Variants in EXOC6B observed in about 807,000 individuals in gnomAD.
EXOC6B encodes the protein exocyst complex component 6B.
Under a neutral mutation model 113.5 loss-of-function variants are expected in EXOC6B, and 54 were observed. The observed-to-expected ratio is 0.48, with a 90% CI of 0.38 to 0.60. The LOEUF (loss-of-function observed/expected upper bound fraction) is 0.60. Among genes scored for constraint, EXOC6B ranks in the 20% least tolerant of loss-of-function variants. The probability of loss-of-function intolerance (pLI) is 0.00; values close to 1 mark genes in which losing one functional copy is unlikely to be tolerated. For synonymous variants in EXOC6B, 357 were observed against 339.0 expected (o/e 1.05, Z -0.58); for missense variants, 797 against 977.5 (o/e 0.82, Z 2.46).
At chr2:72,287,100 G>C (rs1317482333) in intron 20 of EXOC6B, among the ~76,000 whole-genome samples, 1 of 152,016 alleles carries the variant, frequency 6.6e-6, no homozygotes, top group Non-Finnish European at 1.5e-5. Flanking sequence ...TATTGCTGCT[G>C]CTGTTACTGC....
intron 6 of EXOC6B, among the ~76,000 whole-genome samples, chr2:72,618,798 T>C (rs538111659): frequency 6.6e-6 from 1 of 152,336 alleles, no homozygotes; most frequent in East Asian, 1.9e-4. Context: ...GATTTCATCC[T>C]CTTCCATTCA....
Position 72,474,632 on chromosome 2 carries a change from T to C in EXOC6B, c.1800+5984A>G, listed in dbSNP as rs914288682. Among the ~76,000 whole-genome samples the C allele has an allele frequency of 4.6e-5, 7 of 152,110 alleles. No individual in the cohort carries two copies. In the East Asian group the frequency reaches 5.8e-4, roughly 13 times the overall value. ...GTTATATTTTTGGTATCAATCTCTT[T>C]AGCAAATTTCTTATTCATATCATGC... On this transcript the variant is annotated intron_variant, in intron 17 of 21. Transcript: ENST00000272427.
intron 6 of EXOC6B, among the ~76,000 whole-genome samples, chr2:72,639,361 C>T (rs1048735829): frequency 3.3e-5 from 5 of 152,172 alleles, no homozygotes; most frequent in African/African-American, 1.2e-4. Context: ...AATGCACCTG[C>T]CAGCACCCTG....
In EXOC6B at chr2:72,445,911, T is replaced by C. The variant is rs535149548; in HGVS notation, c.1980+19249A>G. ...AAAAAAGTTCAATATTACTGATCATTAGAGAAATACAAATCAAAATCGCAA... is the reference window on the plus strand; with the variant it reads ...AAAAAAGTTCAATATTACTGATCATCAGAGAAATACAAATCAAAATCGCAA... On this transcript the variant is annotated intron_variant, in intron 18 of 21. Transcript: ENST00000272427. 3.9e-5 allele frequency among the ~76,000 whole-genome samples: 6 copies of C among 152,178 alleles called. No homozygotes were observed. The South Asian group carries it at 1.2e-3, about 31-fold the overall frequency.
At chr2:72,421,928 G>A (rs536547246) in intron 18 of EXOC6B, among the ~76,000 whole-genome samples, 10 of 152,354 alleles carry the variant, frequency 6.6e-5, no homozygotes, top group African/African-American at 2.4e-4. Flanking sequence ...AGAGCAGCCG[G>A]CCAGCCCTGC....
chr2:72,512,813 A>C (rs1010282178), intron 11 of EXOC6B, among the ~76,000 whole-genome samples: 1 of 152,016 alleles, frequency 6.6e-6, no homozygotes, highest in Non-Finnish European at 1.5e-5. Flanking sequence ...TAATAATAAT[A>C]ATACCTACCT....
At chr2:72,605,906 C>T (rs188305292) in intron 6 of EXOC6B, among the ~76,000 whole-genome samples, 4 of 152,090 alleles carry the variant, frequency 2.6e-5, no homozygotes, top group African/African-American at 4.8e-5. Context: ...ATAACACTCT[C>T]GATATGTGTG....
intron 6 of EXOC6B, among the ~76,000 whole-genome samples, chr2:72,633,260 T>A (rs755011327): frequency 6.6e-6 from 1 of 152,176 alleles, no homozygotes; most frequent in African/African-American, 2.4e-5. Flanking sequence ...CCTACCCCTA[T>A]CCCAGGAACG....
intron 6 of EXOC6B, among the ~76,000 whole-genome samples, chr2:72,662,637 G>C (rs1476110844): frequency 6.6e-6 from 1 of 152,118 alleles, no homozygotes; most frequent in Non-Finnish European, 1.5e-5. Context: ...AAACCTAGGG[G>C]AAAAAGCCAA....
At chr2:72,340,290 T>A (rs1342132346) in intron 19 of EXOC6B, among the ~76,000 whole-genome samples, 1 of 152,098 alleles carries the variant, frequency 6.6e-6, no homozygotes, top group African/African-American at 2.4e-5. Flanking sequence ...TGGGAGTTTA[T>A]CAAAAGAAGT....
chr2:72,751,197 C>G (rs1911690), intron 1 of EXOC6B, among the ~76,000 whole-genome samples: 103,743 of 151,978 alleles, frequency 0.68, 37,849 homozygotes, highest in East Asian at 0.99. Context: ...TGTGCCCAAG[C>G]TGATTGAGAT....
At chr2:72,203,104 C>A (rs557401785) in intron 20 of EXOC6B, among the ~76,000 whole-genome samples, 2 of 152,144 alleles carry the variant, frequency 1.3e-5, no homozygotes, top group Non-Finnish European at 2.9e-5. Context: ...CAAATACTGG[C>A]GATGATGATG....
At chr2:72,643,169 T>G (rs1483758162) in intron 6 of EXOC6B, among the ~76,000 whole-genome samples, 2 of 152,052 alleles carry the variant, frequency 1.3e-5, no homozygotes, top group Non-Finnish European at 2.9e-5. Flanking sequence ...TTGGTGGGAC[T>G]GTAAACTAGT....
At chr2:72,334,681 A>G (rs1688587613) in intron 20 of EXOC6B, among the ~76,000 whole-genome samples, 1 of 152,078 alleles carries the variant, frequency 6.6e-6, no homozygotes, top group South Asian at 2.1e-4. Flanking sequence ...GGGTCGCATC[A>G]CTTGAGGGTC....
At chr2:72,443,801 A>ACCT (rs1696384936) in intron 18 of EXOC6B, among the ~76,000 whole-genome samples, 1 of 152,070 alleles carries the variant, frequency 6.6e-6, no homozygotes, top group South Asian at 2.1e-4. Flanking sequence ...TGATTCAGTT[A>ACCT]CCTCCTACTG....
At chr2:72,452,677 A>T (rs1696986940) in intron 18 of EXOC6B, among the ~76,000 whole-genome samples, 1 of 152,222 alleles carries the variant, frequency 6.6e-6, no homozygotes, top group African/African-American at 2.4e-5. Flanking sequence ...GGAATGATTA[A>T]CAGATATATT....
At chr2:72,409,606 C>T (rs1342882016) in intron 18 of EXOC6B, among the ~76,000 whole-genome samples, 1 of 151,720 alleles carries the variant, frequency 6.6e-6, no homozygotes, top group East Asian at 2.0e-4. Context: ...TCTCAGCAAA[C>T]TATAGCAAGG....
intron 21 of EXOC6B, among the ~76,000 whole-genome samples, chr2:72,181,229 T>C (rs918769898): frequency 7.6e-6 from 1 of 131,182 alleles, no homozygotes; most frequent in Non-Finnish European, 1.6e-5. Flanking sequence ...AAAAGAATTA[T>C]CTCACTAATC....
chr2:72,198,106 C>T (rs578046135), intron 20 of EXOC6B, among the ~76,000 whole-genome samples: 1 of 152,266 alleles, frequency 6.6e-6, no homozygotes, highest in South Asian at 2.1e-4. Flanking sequence ...CTTTTGCCCA[C>T]CAGCTGAGCT....
Sources: gnomAD v4.1 joint callset for allele counts (sites outside exome capture counted in the v4.1 genomes callset) on GRCh38, gnomAD v4.1.1 for gene constraint, MANE v1.5 for transcripts, NCBI Gene and HGNC (gene_info 2026-07-23, HGNC 2026-07-21) for gene names.